USP24: variants seen among roughly 807,000 people sequenced by gnomAD.
USP24 encodes the protein ubiquitin carboxyl-terminal hydrolase 24.
USP24 carries 97 observed loss-of-function variants against 361.6 expected under a neutral mutation model. The ratio of observed to expected loss-of-function variants is 0.27; its 90% CI spans 0.23 to 0.32. The LOEUF is 0.32. USP24 is among the 10% of genes least tolerant of loss of function. The pLI, the probability that USP24 is intolerant of heterozygous loss-of-function variation, is 1.00. For synonymous variants in USP24, 1,098 were observed against 1,124.6 expected (o/e 0.98, Z 0.47); for missense variants, 2,353 against 3,165.6 (o/e 0.74, Z 6.16).
chr1:55,136,665 G>A (rs1646744193), intron 28 of USP24, among the ~76,000 whole-genome samples: 1 of 152,142 alleles, frequency 6.6e-6, no homozygotes, highest in South Asian at 2.1e-4. Flanking sequence ...CATGGACACG[G>A]GTGTGAAAGA....
intron 30 of USP24, among the ~76,000 whole-genome samples, chr1:55,133,422 C>CA (rs1444447163): frequency 2.0e-5 from 3 of 152,150 alleles, no homozygotes; most frequent in African/African-American, 7.2e-5. Flanking sequence ...AAAAACGTCT[C>CA]AACTGAATCA....
Position 55,148,593 on chromosome 1 carries a change from T to C in USP24, c.1861-23A>G, listed in dbSNP as rs76443690. 25 of 1,485,828 alleles carry C rather than the reference T, an allele frequency of 1.7e-5. No individual in the cohort carries two copies. In the African/African-American group the frequency reaches 2.8e-4, roughly 17 times the overall value. The allele number at this position is 1,485,828 out of a possible 1,614,324, so 92.0% of individuals were successfully genotyped here. A position where few individuals can be genotyped will look rare whatever the true frequency, so the allele number is the denominator to read the frequency against. The stretch of plus-strand genomic sequence containing the variant: ...TGACTAGAGTTAAAAAGAAGTTACA[T>C]TAATTAAATTTAGAAATAAACAGCA... On this transcript the variant is annotated intron_variant, in intron 16 of 67. Coordinates refer to ENST00000294383, the MANE Select transcript of USP24 (RefSeq NM_015306.3).
intron 24 of USP24, 51 bp from the exon 25 acceptor site, chr1:55,139,061 T>C: frequency 6.7e-7 from 1 of 1,486,426 alleles, no homozygotes; most frequent in Non-Finnish European, 9.2e-7. Flanking sequence ...TGTGATGATC[T>C]GAGCTCAGTT....
In USP24 at chr1:55,154,176, T is replaced by C. The variant is rs377666153; in HGVS notation, c.1755A>G (p.Ala585=). 16 of 1,613,532 alleles carry C rather than the reference T, an allele frequency of 9.9e-6. No homozygotes were observed. The highest frequency in any genetic ancestry group is 1.7e-5 in the Admixed American group (1 of 59,962). ...AGCTCCTCTTGATTGCTTCTTTCAC[T>C]GCATATGCATCACTAAGGATTGTCA... ...EHLTILSDAY[A]VKEAIKRSYI... Residue 585 remains alanine (A), a synonymous_variant, in exon 15 of 68, where the codon GCA becomes GCG. Coordinates refer to ENST00000294383, the MANE Select transcript of USP24 (RefSeq NM_015306.3).
At chr1:55,121,551 GT>G (rs1239680269) in intron 36 of USP24, 45 bp from the exon 37 acceptor site, 1 of 1,524,640 alleles carries the variant, frequency 6.6e-7, no homozygotes, top group Non-Finnish European at 9.0e-7. Flanking sequence ...AACAAGTTAG[GT>G]AATGCATTTT....
chr1:55,215,161 G>A lies in USP24; in HGVS notation c.-48C>T, dbSNP rs779749005. On this transcript the variant is annotated 5_prime_UTR_variant, in exon 1 of 68. Transcript: ENST00000294383. ...CGGCCAGCGCACGGCGAAGCTACGG[G>A]TCCCGGGCCTGGCGGGCCGCGCGGC... The A allele has an allele frequency of 1.7e-6, 2 of 1,204,732 alleles. No homozygotes were observed. The highest frequency in any genetic ancestry group is 2.1e-6 in the Non-Finnish European group (2 of 968,196). 74.6% of individuals were successfully genotyped at this position (1,204,732 alleles called of 1,614,324 possible). A position where few individuals can be genotyped will look rare whatever the true frequency, so the allele number is the denominator to read the frequency against.
chr1:55,129,226 T>C (rs868145762), intron 32 of USP24, among the ~76,000 whole-genome samples: 2 of 152,174 alleles, frequency 1.3e-5, no homozygotes, highest in East Asian at 3.9e-4. Flanking sequence ...TCCTGGCTTC[T>C]ACTCTTCTTG....
chr1:55,070,904 G>C (rs116804202), intron 67 of USP24, among the ~76,000 whole-genome samples: 1 of 152,234 alleles, frequency 6.6e-6, no homozygotes, highest in African/African-American at 2.4e-5. Flanking sequence ...TGTCACAGGA[G>C]AGGAGACAAG....
At chr1:55,137,356 G>T (rs1646766514) in intron 28 of USP24, among the ~76,000 whole-genome samples, 159 bp downstream of exon 28, 1 of 152,222 alleles carries the variant, frequency 6.6e-6, no homozygotes, top group Non-Finnish European at 1.5e-5. Context: ...AACTGAAGGT[G>T]TAAGTGGGAT....
intron 26 of USP24, 138 bp from the exon 27 acceptor site, chr1:55,138,042 C>A: frequency 1.3e-6 from 1 of 785,694 alleles, no homozygotes; most frequent in South Asian, 1.8e-5. Context: ...ACAAGAACCC[C>A]TGCCCTCGTG....
chr1:55,118,472 C>A (rs1180808948), intron 38 of USP24, among the ~76,000 whole-genome samples: 3 of 152,152 alleles, frequency 2.0e-5, no homozygotes, highest in Non-Finnish European at 4.4e-5. Context: ...GGATGAAACA[C>A]CTAAATGTAA....
At chr1:55,176,333 A>C (rs2100818338) in intron 3 of USP24, 43 bp downstream of exon 3, 1 of 1,510,970 alleles carries the variant, frequency 6.6e-7, no homozygotes, top group South Asian at 1.2e-5. Context: ...CCCTGCCCCC[A>C]CCCCGACACA....
At chr1:55,178,880 AAAC>A (rs562624621) in intron 1 of USP24, among the ~76,000 whole-genome samples, 25 of 152,064 alleles carry the variant, frequency 1.6e-4, no homozygotes, top group East Asian at 1.2e-3. Flanking sequence ...AAAACAAAAC[AAAC>A]AACAACAACA....
intron 38 of USP24, 92 bp downstream of exon 38, chr1:55,120,504 A>T: frequency 7.3e-7 from 1 of 1,364,658 alleles, no homozygotes; most frequent in Non-Finnish European, 9.7e-7. Context: ...TAGTCATCTC[A>T]ATAATGCACT....
chr1:55,121,342 A>G, intron 37 of USP24, 94 bp downstream of exon 37: 1 of 1,140,954 alleles, frequency 8.8e-7, no homozygotes, highest in South Asian at 1.5e-5. Flanking sequence ...ACTCAATGCC[A>G]CTCCTGTATT....
intron 1 of USP24, among the ~76,000 whole-genome samples, chr1:55,192,015 A>C (rs1393278335): frequency 6.6e-6 from 1 of 152,180 alleles, no homozygotes; most frequent in East Asian, 1.9e-4. Flanking sequence ...CGTTTGAAAA[A>C]CGCAAATGAA....
chr1:55,214,281 C>G (rs1644924910), intron 1 of USP24, among the ~76,000 whole-genome samples: 1 of 151,946 alleles, frequency 6.6e-6, no homozygotes, highest in South Asian at 2.1e-4. Flanking sequence ...TCAAAGACCA[C>G]TACTCTGGCC....
At chr1:55,093,871 A>T in intron 52 of USP24, 66 bp downstream of exon 52, 3 of 1,592,168 alleles carry the variant, frequency 1.9e-6, no homozygotes, top group Non-Finnish European at 2.6e-6. Flanking sequence ...GTACTTCTGG[A>T]CCTACTAGAT....
chr1:55,214,566 C>CT (rs2100973384), intron 1 of USP24, among the ~76,000 whole-genome samples: 1 of 152,214 alleles, frequency 6.6e-6, no homozygotes, highest in South Asian at 2.1e-4. Flanking sequence ...CCCTAATTCC[C>CT]TTTCACACGC....
Sources: allele counts gnomAD v4.1 joint callset (sites outside exome capture counted in the v4.1 genomes callset), GRCh38; gene constraint gnomAD v4.1.1; transcripts MANE v1.5; gene names NCBI Gene and HGNC (gene_info 2026-07-23, HGNC 2026-07-21).